The following DDX23 variants were observed in gnomAD, a reference collection of about 807,000 sequenced individuals.
The protein encoded by DDX23 is probable ATP-dependent RNA helicase DDX23.
A neutral mutation model predicts 102.7 loss-of-function variants in DDX23; 33 were observed. That is an observed-to-expected ratio of 0.32 (90% CI 0.24 to 0.43). The LOEUF (loss-of-function observed/expected upper bound fraction) is 0.43. DDX23 is among the 20% of genes least tolerant of loss of function. The pLI is 1.00. For synonymous variants in DDX23, 352 were observed against 376.0 expected, an observed-to-expected ratio of 0.94 and a Z score of 0.74; for missense variants, 549 against 1,086.6, an observed-to-expected ratio of 0.51 and a Z score of 6.96.
chr12:48,845,478 T>C, intron 2 of DDX23, 96 bp downstream of exon 2: 1 of 1,338,194 alleles, frequency 7.5e-7, no homozygotes. Flanking sequence ...AAATAAAAAG[T>C]AGATGCCTAA....
chr12:48,830,494 C>T lies in DDX23; in HGVS notation c.2438G>A (p.Arg813His). 6.2e-7 allele frequency: 1 copy of T among 1,613,680 alleles called. No homozygotes were observed. Among genetic ancestry groups the T allele is most frequent in the Non-Finnish European group, 8.5e-7 (1 of 1,179,968 alleles). ...HKPGTILTKK[R>H]REETIFA ...TCAGGCAAAGATGGTCTCTTCCCGG[C>T]GCTTCTTGGTGAGGATGGTGCCTGG... The change falls in exon 17 of 17, where the codon CGC (arginine) becomes CAC (histidine). Residue 813 changes from arginine (R) to histidine (H), a missense_variant. Physicochemically the swap from Arg to His is conservative, Grantham distance 29. Around this residue, in one of 4 missense-constraint regions of DDX23, gnomAD observed 38 missense variants for 94.5 expected, o/e 0.40. Coordinates refer to ENST00000308025, the MANE Select transcript of DDX23 (RefSeq NM_004818.3). This position sits in a 1 kb window ranked among gnomAD's most constrained non-coding sequence, Gnocchi z 4.9.
At position 48,834,306 on chromosome 12, in the gene DDX23, A is replaced by C; in HGVS notation, c.1560+14T>G. On this transcript the variant is annotated intron_variant, in intron 12 of 16. Coordinates refer to ENST00000308025, the MANE Select transcript of DDX23 (RefSeq NM_004818.3). Reference sequence around the variant, plus strand: ...TCCCAGACAGCAGGCTGGCTGCTAGATAGAAAAACAAACCTCACAACCCAT... The same window carrying C: ...TCCCAGACAGCAGGCTGGCTGCTAGCTAGAAAAACAAACCTCACAACCCAT... 1.9e-6 allele frequency: 3 copies of C among 1,597,222 alleles called. No individual in the cohort carries two copies. Among genetic ancestry groups the C allele is most frequent in the Non-Finnish European group, 2.6e-6 (3 of 1,171,178 alleles).
intron 1 of DDX23, among the ~76,000 whole-genome samples, chr12:48,848,471 G>A (rs909412236): frequency 2.6e-5 from 4 of 152,162 alleles, no homozygotes; most frequent in African/African-American, 9.7e-5. Flanking sequence ...AGTTTTAGTT[G>A]ACATTTAAGC....
intron 2 of DDX23, among the ~76,000 whole-genome samples, chr12:48,845,372 G>A (rs1009772359): frequency 1.3e-5 from 2 of 151,776 alleles, no homozygotes; most frequent in East Asian, 1.9e-4. Context: ...GGAGAATGGC[G>A]TGAACCTGCG....
intron 11 of DDX23, among the ~76,000 whole-genome samples, chr12:48,835,654 G>A (rs1408462664): frequency 6.6e-6 from 1 of 152,178 alleles, no homozygotes; most frequent in Non-Finnish European, 1.5e-5. Flanking sequence ...AGGTTGCAGT[G>A]AGCCGAGATT....
rs1042602965 is a variant in DDX23, at chr12:48,845,889, A to G, written c.1-107T>C. 5 of 1,219,886 alleles carry G rather than the reference A, an allele frequency of 4.1e-6. No homozygotes were observed. In the African/African-American group the frequency reaches 7.5e-5, roughly 18 times the overall value. 75.6% of individuals were successfully genotyped at this position (1,219,886 alleles called of 1,614,324 possible). A position where few individuals can be genotyped will look rare whatever the true frequency, so the allele number is the denominator to read the frequency against. On this transcript the variant is annotated intron_variant, in intron 1 of 16. Transcript: ENST00000308025. ...AACCCTATGAGGTGGATATATTAGTATGTCTACCGTACAGATGAGAACGGT... is the reference window on the plus strand; with the variant it reads ...AACCCTATGAGGTGGATATATTAGTGTGTCTACCGTACAGATGAGAACGGT...
rs1938481905 is a variant in DDX23, at chr12:48,837,566, G to C, written c.711C>G (p.Ile237Met). Reference protein sequence around the residue: ...GNEDEEGRQKIREEKDKSKEL... With the variant: ...GNEDEEGRQKMREEKDKSKEL... ...CCTTGCTCTTATCCTTCTCTTCCCG[G>C]ATCTTCTGCCGCCCTTCCTCATCCT... Residue 237 changes from isoleucine to methionine, a missense_variant, in exon 7 of 17, where the codon ATC becomes ATG. Ile to Met is a conservative substitution (Grantham distance 10, BLOSUM62 1). Transcript: ENST00000308025. 6.2e-7 allele frequency: 1 copy of C among 1,613,956 alleles called. No homozygotes were observed. The highest frequency in any genetic ancestry group is 1.7e-5 in the Admixed American group (1 of 59,982).
At chr12:48,837,867 TCTC>T in intron 6 of DDX23, 72 bp downstream of exon 6, 1 of 1,590,942 alleles carries the variant, frequency 6.3e-7, no homozygotes, top group Non-Finnish European at 8.5e-7. Context: ...GGTTTCTATC[TCTC>T]CTAAGAGACA....
At chr12:48,850,678 G>A (rs1938742273) in intron 1 of DDX23, among the ~76,000 whole-genome samples, 2 of 152,174 alleles carry the variant, frequency 1.3e-5, no homozygotes, top group South Asian at 4.1e-4. Flanking sequence ...AGAACTAGCA[G>A]CCAGTGAGAA....
In DDX23 at chr12:48,829,765, TA is replaced by T. The variant is rs531423763; in HGVS notation, c.*703del. ...TAACTAGAACTAGATCTAACAGTCTTAATATTCATGTATTTATTCTCAGAAC... is the reference window on the plus strand; with the variant it reads ...TAACTAGAACTAGATCTAACAGTCTTATATTCATGTATTTATTCTCAGAAC... On this transcript the variant is annotated 3_prime_UTR_variant, in exon 17 of 17. Coordinates refer to ENST00000308025, the MANE Select transcript of DDX23 (RefSeq NM_004818.3). 2.0e-3 allele frequency: 406 copies of T among 198,858 alleles called. 2 individuals are homozygous for T. Among genetic ancestry groups the T allele is most frequent in the African/African-American group, 8.9e-3 (382 of 42,964 alleles). 12.3% of individuals were successfully genotyped at this position (198,858 alleles called of 1,614,324 possible). A position where few individuals can be genotyped will look rare whatever the true frequency, so the allele number is the denominator to read the frequency against.
intron 3 of DDX23, among the ~76,000 whole-genome samples, chr12:48,840,741 C>T (rs1220867264): frequency 6.6e-6 from 1 of 151,494 alleles, no homozygotes; most frequent in East Asian, 2.0e-4. Context: ...TTAGTAGAGA[C>T]GAGGTTTCAT....
Position 48,836,533 on chromosome 12 carries a change from A to AT in DDX23, c.1236+35dup. ...TCTATTCCCAAACTAGTGTAGGAAC[A>AT]TGTCAGATCTCTTGGGCCAATCTAT... On this transcript the variant is annotated intron_variant, in intron 10 of 16. Transcript: ENST00000308025. The surrounding 1 kb of genome is among the most constrained non-coding windows in gnomAD (Gnocchi z 6.1). 6.3e-7 allele frequency: 1 copy of AT among 1,590,432 alleles called. No individual in the cohort carries two copies. The highest frequency in any genetic ancestry group is 8.6e-7 in the Non-Finnish European group (1 of 1,160,834).
At chr12:48,841,720 C>T (rs1158537396) in intron 3 of DDX23, among the ~76,000 whole-genome samples, 1 of 152,262 alleles carries the variant, frequency 6.6e-6, no homozygotes, top group Non-Finnish European at 1.5e-5. Flanking sequence ...GCCTCGGCCT[C>T]CCGAGGTGCC....
intron 1 of DDX23, among the ~76,000 whole-genome samples, chr12:48,847,967 G>GT (rs776475206): frequency 6.6e-5 from 10 of 152,276 alleles, no homozygotes; most frequent in Non-Finnish European, 7.4e-5. Context: ...ATTGTTGTAG[G>GT]TAACGGAGAC....
rs773526363 is a variant in DDX23 at position 48,830,595 on chromosome 12, C to T, written c.2337G>A (p.Leu779=). 6.2e-7 allele frequency: 1 copy of T among 1,614,164 alleles called. No individual in the cohort carries two copies. Among genetic ancestry groups the T allele is most frequent in the Non-Finnish European group, 8.5e-7 (1 of 1,180,034 alleles). ...TKEDSAVFYE[L]KQAILESPVS... Reference sequence around the variant, plus strand: ...CTGGGCTTTCCAGGATAGCTTGCTTCAGCTCGTAGAACACAGCAGAGTCCT... The same window carrying T: ...CTGGGCTTTCCAGGATAGCTTGCTTTAGCTCGTAGAACACAGCAGAGTCCT... Residue 779 remains leucine, a synonymous_variant, in exon 17 of 17, where the codon CTG becomes CTA. Transcript: ENST00000308025. This position sits in a 1 kb window ranked among gnomAD's most constrained non-coding sequence, Gnocchi z 4.9.
chr12:48,835,119 C>A (rs896541544), intron 11 of DDX23: 2 of 213,998 alleles, frequency 9.3e-6, no homozygotes, highest in Non-Finnish European at 2.0e-5. Context: ...TTCGAACACA[C>A]CTGTAATCCC....
chr12:48,839,576 A>G, intron 5 of DDX23: 1 of 288,174 alleles, frequency 3.5e-6, no homozygotes, highest in East Asian at 6.7e-5. Context: ...AAAAAAAAAA[A>G]AAAAAAAAGG....
At chr12:48,841,796 G>A (rs1305435065) in intron 3 of DDX23, among the ~76,000 whole-genome samples, 5 of 152,238 alleles carry the variant, frequency 3.3e-5, no homozygotes, top group African/African-American at 1.2e-4. Flanking sequence ...GCAGTGGCGT[G>A]ATCTTGGCTC....
chr12:48,841,622 G>A (rs1938552706), intron 3 of DDX23, among the ~76,000 whole-genome samples: 1 of 152,252 alleles, frequency 6.6e-6, no homozygotes, highest in Non-Finnish European at 1.5e-5. Flanking sequence ...CGCCACGCCT[G>A]ACTGGTTTTC....
Sources: allele counts gnomAD v4.1 joint callset (sites outside exome capture counted in the v4.1 genomes callset), GRCh38; gene constraint gnomAD v4.1.1; regional missense constraint gnomAD v4.1.1; non-coding constraint Gnocchi (gnomAD v3.1); transcripts MANE v1.5; gene names NCBI Gene and HGNC (gene_info 2026-07-23, HGNC 2026-07-21).